CSMD1: variants seen among roughly 807,000 people sequenced by gnomAD.
The protein encoded by CSMD1 is CUB and sushi domain-containing protein 1.
In CSMD1, 213 loss-of-function variants were observed where a neutral mutation model predicts 417.5. The ratio of observed to expected loss-of-function variants is 0.51; its 90% CI spans 0.46 to 0.57. CSMD1 has a LOEUF of 0.57. Among genes scored for constraint, CSMD1 ranks in the 20% least tolerant of loss-of-function variants. CSMD1 has a pLI of 0.00. For synonymous variants in CSMD1, 2,862 were observed against 1,736.8 expected, an observed-to-expected ratio of 1.65 and a Z score of -16.11; for missense variants, 6,923 against 4,529.7, an observed-to-expected ratio of 1.53 and a Z score of -15.17.
At chr8:4,128,755 C>A (rs765686669) in intron 3 of CSMD1, among the ~76,000 whole-genome samples, 31 of 152,194 alleles carry the variant, frequency 2.0e-4, no homozygotes, top group Non-Finnish European at 3.8e-4. Context: ...CACACCACAG[C>A]CTCACACCCA....
At chr8:3,361,582 G>A (rs969869733) in intron 20 of CSMD1, among the ~76,000 whole-genome samples, 2 of 148,942 alleles carry the variant, frequency 1.3e-5, no homozygotes, top group Admixed American at 6.8e-5. Flanking sequence ...AACCCTGGAG[G>A]TGGAGGTTGC....
At position 3,267,684 on chromosome 8, in the gene CSMD1, C is replaced by T. The variant is rs183874872; in HGVS notation, c.4153+16460G>A. On this transcript the variant is annotated intron_variant, in intron 26 of 69. Transcript: ENST00000635120. ...GAGGAAGCAGGGATGGAAAGAGAAG[C>T]AGCAGTATAGAGTAACGGGCTGACA... 1.6e-3 allele frequency among the ~76,000 whole-genome samples: 237 copies of T among 152,318 alleles called. No individual in the cohort carries two copies. The Middle Eastern group carries it at 0.017, about 11-fold the overall frequency.
chr8:3,693,736 G>C (rs2624065), intron 7 of CSMD1, among the ~76,000 whole-genome samples: 2,579 of 152,118 alleles, frequency 0.017, 56 homozygotes, highest in African/African-American at 0.05. Context: ...TGTTATGCTT[G>C]TTATGGTGTG....
chr8:4,192,405 G>C (rs866060676), intron 3 of CSMD1, among the ~76,000 whole-genome samples: 3 of 152,008 alleles, frequency 2.0e-5, no homozygotes, highest in Non-Finnish European at 4.4e-5. Flanking sequence ...GTTGTGCCTG[G>C]AACATCAAGA....
intron 5 of CSMD1, among the ~76,000 whole-genome samples, chr8:3,929,769 C>G (rs1487185144): frequency 6.7e-6 from 1 of 149,616 alleles, no homozygotes; most frequent in Non-Finnish European, 1.5e-5. Context: ...ACAAGCAATT[C>G]TCCTGTCTCA....
At chr8:4,451,947 A>G (rs1424984128) in intron 2 of CSMD1, among the ~76,000 whole-genome samples, 1 of 148,556 alleles carries the variant, frequency 6.7e-6, no homozygotes, top group Non-Finnish European at 1.5e-5. Context: ...ATATTATTAT[A>G]TATAATATAT....
At chr8:4,276,116 A>C (rs1796471886) in intron 3 of CSMD1, among the ~76,000 whole-genome samples, 1 of 152,186 alleles carries the variant, frequency 6.6e-6, no homozygotes, top group East Asian at 1.9e-4. Flanking sequence ...CAATCCCATT[A>C]GTGGGTATAT....
chr8:4,146,512 C>G (rs1804136837), intron 3 of CSMD1, among the ~76,000 whole-genome samples: 1 of 146,130 alleles, frequency 6.8e-6, no homozygotes, highest in Admixed American at 6.9e-5. Flanking sequence ...GTGATGTGCA[C>G]AGTGTGTGTT....
At chr8:3,438,282 G>A (rs1814705892) in intron 12 of CSMD1, among the ~76,000 whole-genome samples, 1 of 152,160 alleles carries the variant, frequency 6.6e-6, no homozygotes, top group Non-Finnish European at 1.5e-5. Flanking sequence ...CCTTCGTGCA[G>A]CTTTCCCCAA....
At chr8:3,818,926 T>G (rs1201904780) in intron 5 of CSMD1, among the ~76,000 whole-genome samples, 1 of 152,112 alleles carries the variant, frequency 6.6e-6, no homozygotes, top group African/African-American at 2.4e-5. Flanking sequence ...CCACACTCAC[T>G]CACACTCACA....
chr8:3,295,923 G>A (rs374845489), intron 25 of CSMD1, among the ~76,000 whole-genome samples: 18 of 152,126 alleles, frequency 1.2e-4, no homozygotes, highest in East Asian at 9.7e-4. Context: ...AGTGCACCTC[G>A]AGGAACTTTG....
At chr8:3,181,815 T>C (rs974785490) in intron 36 of CSMD1, among the ~76,000 whole-genome samples, 2 of 152,146 alleles carry the variant, frequency 1.3e-5, no homozygotes, top group African/African-American at 2.4e-5. Flanking sequence ...TCACAGTAAC[T>C]AACCGATTGG....
chr8:3,007,608 C>T (rs1487146938), intron 52 of CSMD1, among the ~76,000 whole-genome samples: 3 of 151,154 alleles, frequency 2.0e-5, no homozygotes, highest in South Asian at 2.1e-4. Flanking sequence ...ATGATGAGTT[C>T]GTGTCCTTCG....
chr8:3,656,252 G>A (rs1171533522), intron 7 of CSMD1, among the ~76,000 whole-genome samples: 1 of 152,152 alleles, frequency 6.6e-6, no homozygotes, highest in Non-Finnish European at 1.5e-5. Flanking sequence ...AAACAGGAAG[G>A]AAAGGAGAAA....
intron 37 of CSMD1, among the ~76,000 whole-genome samples, chr8:3,179,084 A>G (rs1821127627): frequency 6.6e-6 from 1 of 150,448 alleles, no homozygotes; most frequent in Admixed American, 6.6e-5. Flanking sequence ...AGCAGCTGGG[A>G]CTACAGGCCC....
intron 3 of CSMD1, among the ~76,000 whole-genome samples, chr8:4,412,847 G>C (rs796633984): frequency 3.9e-5 from 6 of 152,184 alleles, no homozygotes; most frequent in African/African-American, 1.4e-4. Flanking sequence ...TGTAATGGAA[G>C]AATGCCTGCT....
intron 1 of CSMD1, among the ~76,000 whole-genome samples, chr8:4,972,622 A>C (rs1286297786): frequency 2.0e-5 from 3 of 152,168 alleles, no homozygotes; most frequent in Non-Finnish European, 4.4e-5. Flanking sequence ...TTATAGCAGT[A>C]TGAAAATGAA....
intron 2 of CSMD1, among the ~76,000 whole-genome samples, chr8:4,456,957 A>G (rs1284611343): frequency 1.4e-5 from 2 of 147,352 alleles, no homozygotes; most frequent in East Asian, 2.1e-4. Context: ...CTGATTTACA[A>G]GAGATTTTGA....
chr8:4,252,919 G>A (rs1489690875), intron 3 of CSMD1, among the ~76,000 whole-genome samples: 1 of 152,146 alleles, frequency 6.6e-6, no homozygotes, highest in South Asian at 2.1e-4. Context: ...TAAGTGGCTG[G>A]ACCCATGGCA....
Sources: allele counts gnomAD v4.1 joint callset (sites outside exome capture counted in the v4.1 genomes callset), GRCh38; gene constraint gnomAD v4.1.1; transcripts MANE v1.5; gene names NCBI Gene and HGNC (gene_info 2026-07-23, HGNC 2026-07-21).